Variants in MTHFD1L observed in about 807,000 individuals in gnomAD.
The protein encoded by MTHFD1L is methylenetetrahydrofolate dehydrogenase (NADP+ dependent) 1 like.
Under a neutral mutation model 119.5 loss-of-function variants are expected in MTHFD1L, and 81 were observed. The observed-to-expected ratio is 0.68, with a 90% CI of 0.57 to 0.82. The LOEUF (loss-of-function observed/expected upper bound fraction) is 0.82, where lower values mean the gene tolerates loss of function less well. MTHFD1L is among the 40% of genes least tolerant of loss of function. MTHFD1L has a pLI of 0.00. For synonymous variants in MTHFD1L, 430 were observed against 475.2 expected (o/e 0.90, Z 1.24); for missense variants, 1,125 against 1,253.4 (o/e 0.90, Z 1.55).
chr6:151,084,982 A>T (rs796580503), intron 26 of MTHFD1L, among the ~76,000 whole-genome samples: 1,853 of 129,462 alleles, frequency 0.014, 27 homozygotes, highest in South Asian at 0.086. Flanking sequence ...AAAAAAAAAA[A>T]AAATATATAT....
At chr6:150,992,267 T>C (rs367897919) in intron 20 of MTHFD1L, among the ~76,000 whole-genome samples, 13 of 152,180 alleles carry the variant, frequency 8.5e-5, no homozygotes, top group African/African-American at 3.1e-4. Flanking sequence ...AGCTCAGAAA[T>C]GCACAATGAA....
At chr6:150,961,211 C>T (rs938413877) in intron 18 of MTHFD1L, among the ~76,000 whole-genome samples, 10 of 151,698 alleles carry the variant, frequency 6.6e-5, no homozygotes, top group South Asian at 2.1e-4. Context: ...CTCCTGCCTC[C>T]GCCTCCTGAG....
chr6:151,013,706 T>C (rs2128488215), intron 21 of MTHFD1L, 73 bp from the exon 22 acceptor site: 1 of 1,328,470 alleles, frequency 7.5e-7, no homozygotes, highest in Non-Finnish European at 1.1e-6. Flanking sequence ...GTGATTATGT[T>C]GTTCTTTCTT....
chr6:150,944,630 TATCCTGGA>T, intron 14 of MTHFD1L, 37 bp downstream of exon 14: 1 of 1,458,160 alleles, frequency 6.9e-7, no homozygotes, highest in East Asian at 2.3e-5. Flanking sequence ...TTGGGTATTG[TATCCTGGA>T]ATTCCTGGAT....
intron 8 of MTHFD1L, among the ~76,000 whole-genome samples, chr6:150,911,559 T>G (rs979111589): frequency 2.6e-5 from 4 of 152,164 alleles, no homozygotes; most frequent in African/African-American, 9.7e-5. Context: ...TGGAAGGCCT[T>G]CTGGAAGGCC....
chr6:150,915,696 G>A (rs1050286594), intron 8 of MTHFD1L, among the ~76,000 whole-genome samples: 1 of 152,140 alleles, frequency 6.6e-6, no homozygotes, highest in African/African-American at 2.4e-5. Flanking sequence ...TGGGTCCCGA[G>A]GTCAAGCAAT....
At chr6:151,069,237 T>C (rs1273025790) in intron 26 of MTHFD1L, among the ~76,000 whole-genome samples, 1 of 124,790 alleles carries the variant, frequency 8.0e-6, no homozygotes, top group Non-Finnish European at 1.8e-5. Context: ...GGCCCAAAAC[T>C]ATCTTCTCTC....
intron 20 of MTHFD1L, among the ~76,000 whole-genome samples, chr6:150,979,001 A>G (rs1777044960): frequency 6.6e-6 from 1 of 152,158 alleles, no homozygotes; most frequent in Non-Finnish European, 1.5e-5. Flanking sequence ...GCACTTTGGG[A>G]GGCCGAGGTG....
At chr6:150,983,987 G>T (rs939905142) in intron 20 of MTHFD1L, among the ~76,000 whole-genome samples, 2 of 152,012 alleles carry the variant, frequency 1.3e-5, no homozygotes, top group Non-Finnish European at 2.9e-5. Context: ...GCCCAGGCTG[G>T]TCTTAAACTC....
intron 1 of MTHFD1L, among the ~76,000 whole-genome samples, chr6:150,875,135 A>C (rs1298012597): frequency 1.3e-5 from 2 of 151,558 alleles, no homozygotes; most frequent in Admixed American, 6.6e-5. Context: ...AGCTTACTAC[A>C]GCCTCAAACT....
chr6:150,964,540 C>G (rs1229431196), intron 18 of MTHFD1L, among the ~76,000 whole-genome samples: 1 of 152,146 alleles, frequency 6.6e-6, no homozygotes, highest in Non-Finnish European at 1.5e-5. Flanking sequence ...AGACATTTCC[C>G]TTTACCCTAC....
intron 26 of MTHFD1L, among the ~76,000 whole-genome samples, chr6:151,055,303 A>G (rs1326403516): frequency 6.6e-6 from 1 of 152,024 alleles, no homozygotes; most frequent in Non-Finnish European, 1.5e-5. Context: ...TTTATTGAGC[A>G]CTTACTAGGT....
At chr6:151,088,841 G>A (rs1794100985) in intron 26 of MTHFD1L, among the ~76,000 whole-genome samples, 1 of 152,158 alleles carries the variant, frequency 6.6e-6, no homozygotes, top group Non-Finnish European at 1.5e-5. Context: ...AACAAATACA[G>A]CTCCAGGAAC....
At chr6:151,009,433 C>T (rs536636160) in intron 20 of MTHFD1L, among the ~76,000 whole-genome samples, 8 of 152,064 alleles carry the variant, frequency 5.3e-5, no homozygotes, top group Admixed American at 3.9e-4. Context: ...ACTCAGGAGG[C>T]TGAGTCAGGA....
chr6:151,042,731 T>TA (rs1303233019), intron 26 of MTHFD1L, among the ~76,000 whole-genome samples: 1 of 152,240 alleles, frequency 6.6e-6, no homozygotes, highest in African/African-American at 2.4e-5. Context: ...TATTGAGAAG[T>TA]AAATTACATT....
intron 27 of MTHFD1L, chr6:151,099,808 A>T: frequency 5.6e-6 from 9 of 1,605,416 alleles, no homozygotes; most frequent in Non-Finnish European, 7.6e-6. Flanking sequence ...CAACAATCGT[A>T]CTTGTGCCGA....
chr6:151,017,054 C>T (rs977888925), intron 24 of MTHFD1L, among the ~76,000 whole-genome samples: 30 of 151,868 alleles, frequency 2.0e-4, no homozygotes, highest in African/African-American at 7.3e-4. Flanking sequence ...GGGTTGCAGG[C>T]GTGAGCCACC....
intron 6 of MTHFD1L, 97 bp downstream of exon 6, chr6:150,885,831 T>A (rs567593538): frequency 1.4e-4 from 128 of 887,620 alleles, no homozygotes; most frequent in South Asian, 1.3e-3. Flanking sequence ...AAAATTTTTT[T>A]AAATTATTAT....
intron 10 of MTHFD1L, among the ~76,000 whole-genome samples, chr6:150,923,547 T>TA (rs1225993654): frequency 7.9e-5 from 11 of 138,500 alleles, no homozygotes; most frequent in Admixed American, 1.4e-4. Flanking sequence ...ATTTTTTCTT[T>TA]TTTTTTTTTT....
Sources: gnomAD v4.1 joint callset for allele counts (sites outside exome capture counted in the v4.1 genomes callset) on GRCh38, gnomAD v4.1.1 for gene constraint, MANE v1.5 for transcripts, NCBI Gene and HGNC (gene_info 2026-07-23, HGNC 2026-07-21) for gene names.